The following POLR1C variants were observed in gnomAD, a reference collection of about 807,000 sequenced individuals.
POLR1C encodes the protein DNA-directed RNA polymerases I and III subunit RPAC1.
POLR1C carries 42 observed loss-of-function variants against 38.3 expected under a neutral mutation model. The observed-to-expected ratio is 1.10, with a 90% CI of 0.86 to 1.42. The LOEUF is 1.42. Among genes scored for constraint, POLR1C ranks in the 40% most tolerant of loss-of-function variants. The probability of loss-of-function intolerance (pLI) is 0.00; values close to 1 mark genes in which losing one functional copy is unlikely to be tolerated. For synonymous variants in POLR1C, 163 were observed against 163.9 expected (o/e 0.99, Z 0.04); for missense variants, 507 against 450.5 (o/e 1.13, Z -1.14).
chr6:43,542,259 C>T (rs1275191402), intron 9 of POLR1C, among the ~76,000 whole-genome samples: 1 of 152,080 alleles, frequency 6.6e-6, no homozygotes, highest in East Asian at 1.9e-4. Flanking sequence ...TTCAAGTGCT[C>T]AATAGTTTCA....
At chr6:43,525,007 C>G (rs780492030), downstream of POLR1C, 1 of 1,604,254 alleles carries the variant, frequency 6.2e-7, no homozygotes, top group African/African-American at 1.3e-5. Flanking sequence ...CAGGGGGCCT[C>G]TCTCAAGGCC....
chr6:43,536,628 A>G (rs1794339669), intron 9 of POLR1C, among the ~76,000 whole-genome samples: 1 of 150,668 alleles, frequency 6.6e-6, no homozygotes, highest in South Asian at 2.1e-4. Flanking sequence ...GCATGGTGGC[A>G]CACGCCTGTA....
chr6:43,538,139 C>CTTTTTTTTTTTTT lies in POLR1C; in HGVS notation c.*4+8796_*4+8808dup, dbSNP rs1160662301. Among the ~76,000 whole-genome samples, 4 of 48,938 alleles carry CTTTTTTTTTTTTT rather than the reference C, an allele frequency of 8.2e-5. 1 individual carries two copies. The highest frequency in any genetic ancestry group is 3.3e-4 in the African/African-American group (4 of 12,110). 32.1% of individuals were successfully genotyped at this position (48,938 alleles called of 152,430 possible). On this transcript the variant is annotated intron_variant, in intron 9 of 10. Transcript: ENST00000607635. Reference sequence around the variant, plus strand: ...TATAAATTTAGAGCCTAAGAGACATCTTTTTTTTTTTTTTTTTTTTTTTTT... The same window carrying CTTTTTTTTTTTTT: ...TATAAATTTAGAGCCTAAGAGACATCTTTTTTTTTTTTTTTTTTTTTTTTTTTTTTTTTTTTTT...
chr6:43,543,396 T>C (rs1010970060), intron 9 of POLR1C, among the ~76,000 whole-genome samples: 5 of 152,166 alleles, frequency 3.3e-5, no homozygotes, highest in African/African-American at 4.8e-5. Context: ...GAGGCTGCAG[T>C]GAGCCGTGAT....
At chr6:43,522,058 A>G (rs1793220517), downstream of POLR1C, among the ~76,000 whole-genome samples, 1 of 152,222 alleles carries the variant, frequency 6.6e-6, no homozygotes, top group South Asian at 2.1e-4. Context: ...AGGGAAGTTC[A>G]TGTTGCTATT....
chr6:43,540,144 C>T (rs1476592220), intron 9 of POLR1C, among the ~76,000 whole-genome samples: 1 of 151,958 alleles, frequency 6.6e-6, no homozygotes, highest in Admixed American at 6.6e-5. Context: ...AACCCCAGTA[C>T]TTTGAGAGGC....
At chr6:43,554,393 G>C (rs953583345) in intron 10 of POLR1C, among the ~76,000 whole-genome samples, 34 of 150,316 alleles carry the variant, frequency 2.3e-4, no homozygotes, top group African/African-American at 8.3e-4. Flanking sequence ...TTACAGGCGT[G>C]AGCCACTGTG....
At chr6:43,550,026 G>A in intron 9 of POLR1C, 2 of 1,347,926 alleles carry the variant, frequency 1.5e-6, no homozygotes, top group Non-Finnish European at 2.1e-6. Context: ...GAATTCCTGG[G>A]CTCAACTGAT....
intron 9 of POLR1C, chr6:43,546,874 C>G: frequency 1.0e-6 from 1 of 972,376 alleles, no homozygotes. Flanking sequence ...ATGAAATAAT[C>G]CTCTGCTCCC....
downstream of POLR1C, chr6:43,524,061 A>C (rs1280090444): frequency 6.3e-7 from 1 of 1,586,988 alleles, no homozygotes; most frequent in Admixed American, 1.8e-5. Flanking sequence ...TAGTTAAAAG[A>C]TTCTCTTGGC....
At chr6:43,552,904 A>G (rs968497964) in intron 10 of POLR1C, among the ~76,000 whole-genome samples, 2 of 152,104 alleles carry the variant, frequency 1.3e-5, no homozygotes, top group African/African-American at 4.8e-5. Flanking sequence ...GAAAGACCTG[A>G]GTTTTGGTCC....
At chr6:43,555,808 CTAACA>C in intron 10 of POLR1C, 1 of 1,613,204 alleles carries the variant, frequency 6.2e-7, no homozygotes, top group Non-Finnish European at 8.5e-7. Context: ...TAACATTTCA[CTAACA>C]TTCAGTAATG....
chr6:43,541,485 AC>A (rs1241413254), intron 9 of POLR1C, among the ~76,000 whole-genome samples: 1 of 152,226 alleles, frequency 6.6e-6, no homozygotes, highest in Non-Finnish European at 1.5e-5. Context: ...GGTATTTAAT[AC>A]TTTCAAAGGG....
chr6:43,525,318 C>A (rs1036332533), downstream of POLR1C: 20 of 1,112,380 alleles, frequency 1.8e-5, no homozygotes, highest in Middle Eastern at 2.5e-4. Context: ...TTCCTCCCCC[C>A]CTCTAAAGAT....
intron 9 of POLR1C, chr6:43,549,755 A>G (rs1329330501): frequency 8.7e-7 from 1 of 1,155,230 alleles, no homozygotes; most frequent in Non-Finnish European, 1.2e-6. Context: ...TATGCCCTAT[A>G]GTGGCAAAAC....
Position 43,535,991 on chromosome 6 carries a change from T to C in POLR1C, c.*4+6632T>C, listed in dbSNP as rs770044572. 7.4e-5 allele frequency among the ~76,000 whole-genome samples: 11 copies of C among 148,692 alleles called. 1 individual carries two copies. The highest frequency in any genetic ancestry group is 5.0e-5 in the African/African-American group (2 of 40,000). ...TATAAAAATTAGACGAGTATGGCGGTGCATGCCTGTAATCCCAGCTTCTCC... is the reference window on the plus strand; with the variant it reads ...TATAAAAATTAGACGAGTATGGCGGCGCATGCCTGTAATCCCAGCTTCTCC... On this transcript the variant is annotated intron_variant, in intron 9 of 10. Coordinates refer to the POLR1C transcript ENST00000607635.
chr6:43,533,734 C>T (rs1322337951), downstream of POLR1C: 4 of 385,776 alleles, frequency 1.0e-5, no homozygotes, highest in African/African-American at 2.1e-5. Context: ...ACTCGGGAGG[C>T]TGAGGCAGGA....
intron 8 of POLR1C, chr6:43,528,243 GA>G: frequency 6.4e-7 from 1 of 1,553,000 alleles, no homozygotes; most frequent in Non-Finnish European, 8.7e-7. Context: ...TAGAATTGGG[GA>G]AAGGATTGGA....
At chr6:43,539,139 C>A (rs557510416) in intron 9 of POLR1C, 2 of 1,165,360 alleles carry the variant, frequency 1.7e-6, no homozygotes, top group Non-Finnish European at 2.5e-6. Context: ...AGCACAGAGC[C>A]ACGGCGGCCT....
Sources: allele counts gnomAD v4.1 joint callset (sites outside exome capture counted in the v4.1 genomes callset), GRCh38; gene constraint gnomAD v4.1.1; transcripts MANE v1.5; gene names NCBI Gene and HGNC (gene_info 2026-07-23, HGNC 2026-07-21).